Variants in ITGA1 observed in about 807,000 individuals in gnomAD.
ITGA1 encodes integrin alpha-1.
Under a neutral mutation model 145.9 loss-of-function variants are expected in ITGA1, and 85 were observed. The ratio of observed to expected loss-of-function variants is 0.58; its 90% CI spans 0.49 to 0.70. The LOEUF is 0.70. Ranked by LOEUF, ITGA1 falls within the 30% of genes least tolerant of loss-of-function variation. The probability of loss-of-function intolerance (pLI) is 0.00; values close to 1 mark genes in which losing one functional copy is unlikely to be tolerated. For synonymous variants in ITGA1, 520 were observed against 495.3 expected (o/e 1.05, Z -0.66); for missense variants, 1,351 against 1,418.7 (o/e 0.95, Z 0.77).
At chr5:52,795,731 C>G (rs1054036003) in intron 1 of ITGA1, among the ~76,000 whole-genome samples, 1 of 151,872 alleles carries the variant, frequency 6.6e-6, no homozygotes, top group Non-Finnish European at 1.5e-5. Context: ...AGCTTCAAGC[C>G]AGGCATTTTT....
At chr5:52,935,348 TA>T (rs1200667318) in intron 23 of ITGA1, among the ~76,000 whole-genome samples, 2 of 152,110 alleles carry the variant, frequency 1.3e-5, no homozygotes, top group Non-Finnish European at 2.9e-5. Flanking sequence ...TTATTTATAA[TA>T]GTTTAAAAAT....
intron 7 of ITGA1, among the ~76,000 whole-genome samples, chr5:52,886,232 A>C (rs1334257150): frequency 6.6e-6 from 1 of 152,226 alleles, no homozygotes; most frequent in African/African-American, 2.4e-5. Flanking sequence ...AAAGTAAAAA[A>C]TTAGTACAAC....
At chr5:52,809,121 T>G (rs1748644190) in intron 1 of ITGA1, among the ~76,000 whole-genome samples, 1 of 152,216 alleles carries the variant, frequency 6.6e-6, no homozygotes, top group East Asian at 1.9e-4. Flanking sequence ...AGTATTTATA[T>G]TTCCCTATAG....
In ITGA1 at chr5:52,843,577, A is replaced by G. The variant is rs572097342; in HGVS notation, c.62-5788A>G. On this transcript the variant is annotated intron_variant, in intron 1 of 28. Transcript: ENST00000282588. ...TGCGTACAAGAGGGTGGCTTCCTTC[A>G]ATCTGTCAACAGCCTCTGTCACCTC... Among the ~76,000 whole-genome samples, 272 of 152,280 alleles carry G rather than the reference A, an allele frequency of 1.8e-3. 2 individuals carry two copies. The highest frequency in any genetic ancestry group is 6.4e-3 in the African/African-American group (265 of 41,566).
chr5:52,844,177 GTCTTTTCATT>G (rs1749299252), intron 1 of ITGA1, among the ~76,000 whole-genome samples: 1 of 152,184 alleles, frequency 6.6e-6, no homozygotes, highest in South Asian at 2.1e-4. Flanking sequence ...ATGGGAGCAA[GTCTTTTCATT>G]TCTTTTCTAC....
chr5:52,912,165 C>T (rs1293224067), intron 14 of ITGA1, among the ~76,000 whole-genome samples: 48 of 129,994 alleles, frequency 3.7e-4, no homozygotes, highest in Middle Eastern at 0.013. Flanking sequence ...CTATATATAG[C>T]GTATCTAGTA....
intron 1 of ITGA1, among the ~76,000 whole-genome samples, chr5:52,831,136 CT>C (rs71614388): frequency 0.22 from 33,545 of 150,094 alleles, 4,186 homozygotes; most frequent in Middle Eastern, 0.31. Flanking sequence ...AGAGGTCACA[CT>C]TTTTTTTTTC....
intron 14 of ITGA1, among the ~76,000 whole-genome samples, chr5:52,913,805 T>C (rs544598077): frequency 6.6e-6 from 1 of 152,316 alleles, no homozygotes; most frequent in African/African-American, 2.4e-5. Flanking sequence ...ACATGAGTGA[T>C]TTTTCATAAA....
At chr5:52,918,980 G>T (rs1750691320) in intron 16 of ITGA1, 82 bp downstream of exon 16, 9 of 1,189,996 alleles carry the variant, frequency 7.6e-6, no homozygotes, top group Non-Finnish European at 1.0e-5. Flanking sequence ...GTAGGATATT[G>T]TATTTTCCCC....
chr5:52,931,951 T>G (rs1273801251), intron 21 of ITGA1, 96 bp from the exon 22 acceptor site: 2 of 707,934 alleles, frequency 2.8e-6, no homozygotes, highest in Non-Finnish European at 4.9e-6. Flanking sequence ...TGCTTTTATT[T>G]AGTTGCCAGG....
chr5:52,946,601 A>G (rs1292641723), intron 27 of ITGA1, among the ~76,000 whole-genome samples: 1 of 152,190 alleles, frequency 6.6e-6, no homozygotes, highest in Non-Finnish European at 1.5e-5. Flanking sequence ...ATTACTAGCC[A>G]TTGATATCTA....
At chr5:52,865,178 T>C (rs1749667874) in intron 5 of ITGA1, 96 bp downstream of exon 5, 3 of 841,062 alleles carry the variant, frequency 3.6e-6, no homozygotes, top group Non-Finnish European at 5.5e-6. Flanking sequence ...GCTTAAAGTA[T>C]TTTCTTAGCT....
At chr5:52,843,107 A>G (rs1561224764) in intron 1 of ITGA1, among the ~76,000 whole-genome samples, 1 of 152,174 alleles carries the variant, frequency 6.6e-6, no homozygotes, top group Non-Finnish European at 1.5e-5. Context: ...TAAATAATAT[A>G]GATGAAAAGA....
At chr5:52,855,242 C>T (rs1749494721) in intron 2 of ITGA1, among the ~76,000 whole-genome samples, 1 of 152,156 alleles carries the variant, frequency 6.6e-6, no homozygotes, top group Non-Finnish European at 1.5e-5. Context: ...CCCCCTTTAG[C>T]AACAAGGATT....
intron 20 of ITGA1, among the ~76,000 whole-genome samples, chr5:52,928,467 G>A (rs1750846164): frequency 6.6e-6 from 1 of 152,178 alleles, no homozygotes; most frequent in African/African-American, 2.4e-5. Context: ...TTGAAAGTGT[G>A]TATTTCAGTG....
At chr5:52,921,191 G>C (rs1212885950) in intron 17 of ITGA1, among the ~76,000 whole-genome samples, 1 of 152,096 alleles carries the variant, frequency 6.6e-6, no homozygotes, top group Non-Finnish European at 1.5e-5. Flanking sequence ...ACAAGAAGCA[G>C]CATGAAGGTA....
chr5:52,860,008 A>G (rs1284376691), intron 2 of ITGA1, among the ~76,000 whole-genome samples: 1 of 152,162 alleles, frequency 6.6e-6, no homozygotes, highest in African/African-American at 2.4e-5. Context: ...ATGAACTCCC[A>G]TTAAGTGAGG....
intron 1 of ITGA1, among the ~76,000 whole-genome samples, chr5:52,814,173 G>A (rs1169548594): frequency 6.6e-6 from 1 of 152,150 alleles, no homozygotes; most frequent in East Asian, 1.9e-4. Flanking sequence ...TTGAGACAGA[G>A]TCTCGCTCTG....
intron 2 of ITGA1, among the ~76,000 whole-genome samples, chr5:52,859,801 A>G (rs1749570310): frequency 2.0e-5 from 3 of 152,162 alleles, no homozygotes. Context: ...AATACATTCC[A>G]TTGTGCATAT....
Sources: gnomAD v4.1 joint callset for allele counts (sites outside exome capture counted in the v4.1 genomes callset) on GRCh38, gnomAD v4.1.1 for gene constraint, MANE v1.5 for transcripts, NCBI Gene and HGNC (gene_info 2026-07-23, HGNC 2026-07-21) for gene names.